Variants in NLGN4X observed in about 807,000 individuals in gnomAD.
NLGN4X encodes neuroligin 4 X-linked.
A neutral mutation model predicts 40.3 loss-of-function variants in NLGN4X; 3 were observed. That is an observed-to-expected ratio of 0.07 (90% CI 0.03 to 0.19). The LOEUF (loss-of-function observed/expected upper bound fraction) is 0.19, where lower values mean the gene tolerates loss of function less well. Among genes scored for constraint, NLGN4X ranks in the 10% least tolerant of loss-of-function variants. The pLI is 1.00. For synonymous variants in NLGN4X, 270 were observed against 306.8 expected (o/e 0.88, Z 1.25); for missense variants, 382 against 708.3 (o/e 0.54, Z 5.23).
intron 2 of NLGN4X, among the ~76,000 whole-genome samples, chrX:6,037,139 TATGAAA>T (rs2037034924): frequency 9.2e-6 from 1 of 109,261 alleles, no homozygotes; most frequent in Non-Finnish European, 1.9e-5. Flanking sequence ...ACCTCTTCTG[TATGAAA>T]ATTACAAAAA....
chrX:5,925,881 C>CACATATAT (rs2033272520), intron 3 of NLGN4X, among the ~76,000 whole-genome samples: 2 of 19,514 alleles, frequency 1.0e-4, no homozygotes, highest in African/African-American at 2.6e-4. Flanking sequence ...TACATACACA[C>CACATATAT]ATATATATAT....
chrX:6,013,429 A>T (rs1316892689), intron 3 of NLGN4X, among the ~76,000 whole-genome samples: 1 of 110,413 alleles, frequency 9.1e-6, no homozygotes, highest in African/African-American at 3.3e-5. Context: ...GAGTAAATAG[A>T]TTCACTCCTT....
intron 1 of NLGN4X, among the ~76,000 whole-genome samples, chrX:6,220,556 C>T (rs1925567019): frequency 9.4e-6 from 1 of 106,044 alleles, no homozygotes; most frequent in Non-Finnish European, 1.9e-5. Context: ...TAGGCGGTAA[C>T]ACCTTTTTTG....
intron 2 of NLGN4X, among the ~76,000 whole-genome samples, chrX:6,102,409 C>T (rs994581598): frequency 3.6e-5 from 4 of 110,858 alleles, no homozygotes; most frequent in Non-Finnish European, 7.5e-5. Context: ...GGATCAGTGC[C>T]CTTATAAAAG....
At chrX:6,175,375 C>A (rs906577614) in intron 1 of NLGN4X, among the ~76,000 whole-genome samples, 2 of 110,395 alleles carry the variant, frequency 1.8e-5, no homozygotes, top group Non-Finnish European at 3.8e-5. Flanking sequence ...CTACCCAACA[C>A]CATCTAGTAT....
intron 2 of NLGN4X, among the ~76,000 whole-genome samples, chrX:6,044,017 C>T (rs2037246406): frequency 9.0e-6 from 1 of 110,679 alleles, no homozygotes; most frequent in Non-Finnish European, 1.9e-5. Flanking sequence ...CCTGTAATTC[C>T]AGCACTCTGA....
At chrX:6,221,077 A>ATTAT (rs759066236) in intron 1 of NLGN4X, among the ~76,000 whole-genome samples, 31 of 106,954 alleles carry the variant, frequency 2.9e-4, no homozygotes, top group Admixed American at 9.0e-4. Context: ...ATTTTTATTT[A>ATTAT]TTATTTATTT....
At chrX:6,073,391 A>G (rs1317529361) in intron 2 of NLGN4X, among the ~76,000 whole-genome samples, 1 of 112,737 alleles carries the variant, frequency 8.9e-6, no homozygotes, top group Non-Finnish European at 1.9e-5. Flanking sequence ...ACTATATTCA[A>G]ATATTTAAAA....
At chrX:5,944,650 C>CAAAAAAAAAAAA (rs750871231) in intron 3 of NLGN4X, among the ~76,000 whole-genome samples, 1 of 25,566 alleles carries the variant, frequency 3.9e-5, no homozygotes, top group Non-Finnish European at 7.6e-5. Context: ...GACTCTGTCT[C>CAAAAAAAAAAAA]AAAAAAAAAA....
intron 1 of NLGN4X, among the ~76,000 whole-genome samples, chrX:6,221,410 T>C (rs1925689722): frequency 1.1e-5 from 1 of 92,314 alleles, no homozygotes; most frequent in African/African-American, 4.0e-5. Flanking sequence ...TATATATATA[T>C]ATATATATAT....
chrX:6,173,062 G>A (rs866215513), intron 1 of NLGN4X, among the ~76,000 whole-genome samples: 1 of 111,954 alleles, frequency 8.9e-6, no homozygotes, highest in East Asian at 2.8e-4. Flanking sequence ...GGACAGATAC[G>A]GAGTCTGGGC....
At chrX:6,131,625 C>G (rs2147622341) in intron 2 of NLGN4X, among the ~76,000 whole-genome samples, 1 of 112,364 alleles carries the variant, frequency 8.9e-6, no homozygotes, top group East Asian at 2.8e-4. Context: ...CTTCATGGGA[C>G]TCCAGCTGTC....
At chrX:5,917,202 C>G (rs935483464) in intron 3 of NLGN4X, among the ~76,000 whole-genome samples, 6 of 112,601 alleles carry the variant, frequency 5.3e-5, no homozygotes, top group Non-Finnish European at 1.1e-4. Context: ...TGGCCGCACA[C>G]AAAGCTGCAC....
chrX:5,972,429 T>C (rs1225500330), intron 3 of NLGN4X, among the ~76,000 whole-genome samples: 1 of 111,439 alleles, frequency 9.0e-6, no homozygotes, highest in Admixed American at 9.5e-5. Flanking sequence ...CAGTGACTCA[T>C]GGAAACTTGT....
At chrX:6,084,656 C>T (rs1487022364) in intron 2 of NLGN4X, among the ~76,000 whole-genome samples, 4 of 110,935 alleles carry the variant, frequency 3.6e-5, no homozygotes, top group Non-Finnish European at 7.5e-5. Context: ...ATTATTAAAC[C>T]CTAGTAAGAC....
chrX:5,923,465 T>C (rs955180981), intron 3 of NLGN4X, among the ~76,000 whole-genome samples: 4 of 112,601 alleles, frequency 3.6e-5, no homozygotes, highest in Non-Finnish European at 7.5e-5. Flanking sequence ...CATAGAGACA[T>C]GCCTGAGACT....
At chrX:5,968,903 T>A (rs894932635) in intron 3 of NLGN4X, among the ~76,000 whole-genome samples, 3 of 110,848 alleles carry the variant, frequency 2.7e-5, no homozygotes, top group Non-Finnish European at 5.7e-5. Context: ...TTTCACATGA[T>A]TACAATGATT....
At chrX:6,065,180 G>A (rs751047218) in intron 2 of NLGN4X, among the ~76,000 whole-genome samples, 7 of 110,412 alleles carry the variant, frequency 6.3e-5, no homozygotes, top group Non-Finnish European at 1.1e-4. Flanking sequence ...CACTACCTGC[G>A]TGACAAAATC....
chrX:6,219,058 T>C (rs1465824813), intron 1 of NLGN4X, among the ~76,000 whole-genome samples: 2 of 103,334 alleles, frequency 1.9e-5, no homozygotes, highest in African/African-American at 7.1e-5. Context: ...TATTCCAATG[T>C]ATATATATTG....
Sources: gnomAD v4.1 joint callset for allele counts (sites outside exome capture counted in the v4.1 genomes callset) on GRCh38, gnomAD v4.1.1 for gene constraint, MANE v1.5 for transcripts, NCBI Gene and HGNC (gene_info 2026-07-23, HGNC 2026-07-21) for gene names.